The following EDA variants were observed in gnomAD, a reference collection of about 807,000 sequenced individuals.
EDA encodes the protein ectodysplasin-A.
In EDA, 2 loss-of-function variants were observed where a neutral mutation model predicts 23.6. The ratio of observed to expected loss-of-function variants is 0.08; its 90% CI spans 0.03 to 0.27. The LOEUF (loss-of-function observed/expected upper bound fraction) is 0.27. Among genes scored for constraint, EDA ranks in the 10% least tolerant of loss-of-function variants. The probability of loss-of-function intolerance (pLI) is 1.00; values close to 1 mark genes in which losing one functional copy is unlikely to be tolerated. For missense variants in EDA, 229 were observed against 324.2 expected (o/e 0.71, Z 2.26); for synonymous variants, 131 against 132.0 (o/e 0.99, Z 0.05).
chrX:69,786,367 T>C (rs1367231589), intron 1 of EDA, among the ~76,000 whole-genome samples: 2 of 106,723 alleles, frequency 1.9e-5, no homozygotes, highest in African/African-American at 6.8e-5. Context: ...TTTCTAGTTC[T>C]TTTAATTGTG....
intron 1 of EDA, among the ~76,000 whole-genome samples, chrX:69,859,443 A>G (rs1453200481): frequency 8.6e-5 from 9 of 104,328 alleles, no homozygotes; most frequent in Admixed American, 1.0e-4. Context: ...GTTCTCAGTA[A>G]TTTCAAAGAA....
At chrX:69,948,110 T>C (rs776324957) in intron 1 of EDA, among the ~76,000 whole-genome samples, 25 of 112,351 alleles carry the variant, frequency 2.2e-4, no homozygotes, top group Non-Finnish European at 1.7e-4. Context: ...TATAAGGCAT[T>C]ATTTGATAAA....
At chrX:69,866,206 T>C (rs2017482733) in intron 1 of EDA, among the ~76,000 whole-genome samples, 1 of 111,355 alleles carries the variant, frequency 9.0e-6, no homozygotes, top group Non-Finnish European at 1.9e-5. Context: ...AGTTTCCCAT[T>C]GACCTTAATC....
intron 1 of EDA, chrX:69,756,789 C>G (rs2014135785): frequency 8.9e-6 from 1 of 111,861 alleles, no homozygotes; most frequent in Non-Finnish European, 1.9e-5. Context: ...CTACAATAAA[C>G]CTATACCAGC....
chrX:69,640,669 A>G (rs1228589171), intron 1 of EDA, among the ~76,000 whole-genome samples: 1 of 110,690 alleles, frequency 9.0e-6, no homozygotes, highest in Non-Finnish European at 1.9e-5. Flanking sequence ...GATGCCAAAG[A>G]AGAAAATGAG....
intron 2 of EDA, among the ~76,000 whole-genome samples, chrX:69,963,447 CAT>C (rs1484312483): frequency 8.9e-6 from 1 of 111,762 alleles, no homozygotes; most frequent in East Asian, 2.8e-4. Context: ...GAAGGCTCAC[CAT>C]GTGTGTGGAC....
chrX:69,779,667 A>C (rs1036338142), intron 1 of EDA, among the ~76,000 whole-genome samples: 8 of 111,799 alleles, frequency 7.2e-5, no homozygotes, highest in African/African-American at 9.7e-5. Context: ...TGCATTTAAT[A>C]GTACTAAACG....
At chrX:69,636,642 T>G (rs1296725289) in intron 1 of EDA, among the ~76,000 whole-genome samples, 2 of 109,076 alleles carry the variant, frequency 1.8e-5, no homozygotes, top group Non-Finnish European at 3.8e-5. Context: ...GTTTTTTTTT[T>G]TTTTTTTGAT....
chrX:69,932,105 C>G (rs972117343), intron 1 of EDA, among the ~76,000 whole-genome samples: 1 of 111,528 alleles, frequency 9.0e-6, no homozygotes, highest in Non-Finnish European at 1.9e-5. Context: ...TTGTGTGATG[C>G]TATTTATATA....
At chrX:69,919,376 GA>G (rs1186771083) in intron 1 of EDA, among the ~76,000 whole-genome samples, 1 of 112,234 alleles carries the variant, frequency 8.9e-6, no homozygotes, top group African/African-American at 3.2e-5. Context: ...AGAACCATGA[GA>G]CCGCCAACTT....
At chrX:69,692,480 A>G in intron 1 of EDA, among the ~76,000 whole-genome samples, 1 of 111,842 alleles carries the variant, frequency 8.9e-6, no homozygotes, top group Non-Finnish European at 1.9e-5. Context: ...ATGAATGAGA[A>G]AAATTCATTC....
intron 1 of EDA, among the ~76,000 whole-genome samples, chrX:69,847,083 G>A (rs911150850): frequency 7.2e-5 from 8 of 111,801 alleles, no homozygotes; most frequent in Admixed American, 6.7e-4. Flanking sequence ...TACGGGTTGT[G>A]TATGGAGTTT....
chrX:69,945,963 G>A (rs997245201), intron 1 of EDA, among the ~76,000 whole-genome samples: 5 of 111,844 alleles, frequency 4.5e-5, no homozygotes, highest in African/African-American at 1.6e-4. Flanking sequence ...GGGAGGCCCT[G>A]GACACACCTG....
intron 1 of EDA, among the ~76,000 whole-genome samples, chrX:69,900,314 A>AAT (rs894733212): frequency 2.8e-5 from 3 of 108,413 alleles, no homozygotes; most frequent in African/African-American, 1.0e-4. Context: ...TTTTATCATA[A>AAT]ATATATATAT....
At chrX:69,751,601 A>T (rs376399562) in intron 1 of EDA, among the ~76,000 whole-genome samples, 2 of 112,076 alleles carry the variant, frequency 1.8e-5, no homozygotes, top group East Asian at 2.8e-4. Context: ...CATTGAATCT[A>T]TAAATTACCT....
chrX:69,866,331 A>G (rs1430305580), intron 1 of EDA, among the ~76,000 whole-genome samples: 1 of 111,108 alleles, frequency 9.0e-6, no homozygotes, highest in African/African-American at 3.3e-5. Context: ...GCCTGGGTCA[A>G]CCACCCCAGC....
chrX:69,890,430 C>G (rs1000247601), intron 1 of EDA, among the ~76,000 whole-genome samples: 1 of 109,880 alleles, frequency 9.1e-6, no homozygotes, highest in Non-Finnish European at 1.9e-5. Flanking sequence ...CCAAGGTAAT[C>G]CTAAGCAAAA....
At chrX:69,702,865 T>A (rs1469490641) in intron 1 of EDA, among the ~76,000 whole-genome samples, 1 of 111,393 alleles carries the variant, frequency 9.0e-6, no homozygotes, top group East Asian at 2.8e-4. Context: ...TTTGGACCCA[T>A]TATCTAATTC....
In EDA at chrX:70,039,450, G is replaced by A. The variant is rs755931521; in HGVS notation, c.*3841G>A. Reference sequence around the variant, plus strand: ...ATGGTTTATTCTTTGCAAATAAAACGCTTTCCCCGTCTGTTCTTGAAATCG... The same window carrying A: ...ATGGTTTATTCTTTGCAAATAAAACACTTTCCCCGTCTGTTCTTGAAATCG... On this transcript the variant is annotated 3_prime_UTR_variant, in exon 8 of 8. Coordinates refer to ENST00000374552, the MANE Select transcript of EDA (RefSeq NM_001399.5). 1 of 112,012 alleles carries A rather than the reference G, an allele frequency of 8.9e-6. No individual in the cohort carries two copies. The highest frequency in any genetic ancestry group is 3.3e-5 in the African/African-American group (1 of 30,741). The allele number at this position is 112,012 out of a possible 1,213,427, so 9.2% of individuals were successfully genotyped here. A position where few individuals can be genotyped will look rare whatever the true frequency, so the allele number is the denominator to read the frequency against.
Sources: allele counts gnomAD v4.1 joint callset (sites outside exome capture counted in the v4.1 genomes callset), GRCh38; gene constraint gnomAD v4.1.1; transcripts MANE v1.5; gene names NCBI Gene and HGNC (gene_info 2026-07-23, HGNC 2026-07-21).